Variants in GAS2 observed in about 807,000 individuals in gnomAD.
GAS2 encodes the protein growth arrest-specific protein 2.
GAS2 carries 20 observed loss-of-function variants against 37.5 expected under a neutral mutation model. The observed-to-expected ratio is 0.53, with a 90% confidence interval of 0.37 to 0.77. The LOEUF (loss-of-function observed/expected upper bound fraction) is 0.77, where lower values mean the gene tolerates loss of function less well. Among genes scored for constraint, GAS2 ranks in the 30% least tolerant of loss-of-function variants. The pLI, the probability that GAS2 is intolerant of heterozygous loss-of-function variation, is 0.00. For synonymous variants in GAS2, 144 were observed against 132.2 expected, an observed-to-expected ratio of 1.09 and a Z score of -0.61; for missense variants, 336 against 373.4, an observed-to-expected ratio of 0.90 and a Z score of 0.82.
At chr11:22,645,845 CT>C (rs71037516) in intron 1 of GAS2, among the ~76,000 whole-genome samples, 107,770 of 111,472 alleles carry the variant, frequency 0.97, 52,045 homozygotes, top group East Asian at 0.98. Context: ...CTTTTCTTTT[CT>C]TTTTTTTTTT....
chr11:22,713,977 C>T (rs1300575636), intron 3 of GAS2, among the ~76,000 whole-genome samples: 1 of 151,912 alleles, frequency 6.6e-6, no homozygotes, highest in African/African-American at 2.4e-5. Context: ...AGAAAAAAAA[C>T]AGGGTATTCA....
intron 7 of GAS2, among the ~76,000 whole-genome samples, chr11:22,758,324 G>A (rs751891519): frequency 2.0e-5 from 3 of 152,092 alleles, no homozygotes; most frequent in Admixed American, 6.6e-5. Context: ...TCACATGGGC[G>A]TATTTTAAAC....
chr11:22,801,666 A>C (rs1231611955), intron 7 of GAS2, among the ~76,000 whole-genome samples: 1 of 152,090 alleles, frequency 6.6e-6, no homozygotes, highest in African/African-American at 2.4e-5. Context: ...CTAAGGTCAT[A>C]TGCTAGATGG....
upstream of GAS2, among the ~76,000 whole-genome samples, chr11:22,662,983 A>G (rs1332887317): frequency 6.6e-6 from 1 of 152,228 alleles, no homozygotes; most frequent in African/African-American, 2.4e-5. Flanking sequence ...GGTCATTTAT[A>G]AAGAAAAGAG....
intron 7 of GAS2, among the ~76,000 whole-genome samples, chr11:22,776,830 G>C (rs577711046): frequency 6.6e-6 from 1 of 152,110 alleles, no homozygotes; most frequent in South Asian, 2.1e-4. Context: ...ACTTAGCCTT[G>C]AGAAAATGTA....
intron 7 of GAS2, among the ~76,000 whole-genome samples, chr11:22,809,597 C>T (rs557746643): frequency 1.3e-5 from 2 of 152,020 alleles, no homozygotes; most frequent in African/African-American, 4.8e-5. Flanking sequence ...AAGCAATTCT[C>T]CTGTCTCAGC....
intron 4 of GAS2, among the ~76,000 whole-genome samples, chr11:22,726,870 T>C (rs1852241352): frequency 6.6e-6 from 1 of 152,120 alleles, no homozygotes; most frequent in Admixed American, 6.6e-5. Context: ...GACCATAAGC[T>C]CTACCTTTAT....
chr11:22,644,522 G>T (rs1173111480), intron 1 of GAS2, among the ~76,000 whole-genome samples: 1 of 152,102 alleles, frequency 6.6e-6, no homozygotes, highest in African/African-American at 2.4e-5. Flanking sequence ...TTACATTTCT[G>T]TTCCCTTTAT....
At chr11:22,792,381 A>G (rs897020017) in intron 7 of GAS2, among the ~76,000 whole-genome samples, 39 of 152,248 alleles carry the variant, frequency 2.6e-4, no homozygotes, top group African/African-American at 9.2e-4. Context: ...GTGCACACAC[A>G]TATGAAAGAC....
intron 3 of GAS2, among the ~76,000 whole-genome samples, chr11:22,725,289 T>A (rs978170864): frequency 6.6e-6 from 1 of 152,114 alleles, no homozygotes; most frequent in African/African-American, 2.4e-5. Context: ...AAGCACATTC[T>A]TATCCCAGAA....
Position 22,660,998 on chromosome 11 carries a change from C to A in GAS2, c.-20-13852C>A, listed in dbSNP as rs575784335. On this transcript the variant is annotated intron_variant, in intron 1 of 5. Coordinates refer to the GAS2 transcript ENST00000528582. ...TTGGAAAATATTCCGTATTTGTGAA[C>A]TGTGTTATAGTTACAATAATGGAAG... Among the ~76,000 whole-genome samples the A allele has an allele frequency of 2.6e-5, 4 of 152,282 alleles. No homozygotes were observed. The South Asian group carries it at 8.3e-4, about 32-fold the overall frequency.
At chr11:22,770,612 T>G (rs185044040) in intron 7 of GAS2, among the ~76,000 whole-genome samples, 109 of 152,316 alleles carry the variant, frequency 7.2e-4, no homozygotes, top group Admixed American at 2.9e-3. Flanking sequence ...CTTACAGGTA[T>G]TTTTTATTCT....
chr11:22,699,540 A>G (rs1850721258), intron 3 of GAS2, among the ~76,000 whole-genome samples: 2 of 152,174 alleles, frequency 1.3e-5, no homozygotes, highest in South Asian at 4.1e-4. Context: ...TATGCAGCAT[A>G]GATACACAGT....
At chr11:22,753,695 T>G (rs552156249) in intron 6 of GAS2, among the ~76,000 whole-genome samples, 2 of 152,250 alleles carry the variant, frequency 1.3e-5, no homozygotes, top group South Asian at 4.1e-4. Context: ...CCTTTCTTCA[T>G]CCTTGCTTTC....
At chr11:22,719,818 A>G (rs951873371) in intron 3 of GAS2, among the ~76,000 whole-genome samples, 4 of 152,076 alleles carry the variant, frequency 2.6e-5, no homozygotes. Context: ...GCACCGAATA[A>G]TCCATTGTCT....
At chr11:22,739,509 C>T (rs1365861723) in intron 5 of GAS2, among the ~76,000 whole-genome samples, 1 of 133,388 alleles carries the variant, frequency 7.5e-6, no homozygotes, top group East Asian at 2.3e-4. Flanking sequence ...GGAGGCGGAG[C>T]TTGCAGTGAG....
At chr11:22,773,347 A>C (rs1045919727) in intron 7 of GAS2, among the ~76,000 whole-genome samples, 1 of 149,228 alleles carries the variant, frequency 6.7e-6, no homozygotes, top group Non-Finnish European at 1.5e-5. Context: ...CTTATGCTCC[A>C]GTCATCTTTG....
chr11:22,749,326 G>C, intron 6 of GAS2, 65 bp downstream of exon 6: 1 of 1,387,356 alleles, frequency 7.2e-7, no homozygotes, highest in Non-Finnish European at 1.0e-6. Context: ...AACATATTCT[G>C]TGCAATCTCG....
chr11:22,737,885 T>C, intron 5 of GAS2, 117 bp downstream of exon 5: 1 of 881,692 alleles, frequency 1.1e-6, no homozygotes, highest in Non-Finnish European at 1.9e-6. Context: ...AAGCTACTCA[T>C]TCACGATGAT....
Sources: allele counts gnomAD v4.1 joint callset (sites outside exome capture counted in the v4.1 genomes callset), GRCh38; gene constraint gnomAD v4.1.1; transcripts MANE v1.5; gene names NCBI Gene and HGNC (gene_info 2026-07-23, HGNC 2026-07-21).